Variants in LYPD6 observed in about 807,000 individuals in gnomAD.
LYPD6 encodes the protein LY6/PLAUR domain containing 6.
A neutral mutation model predicts 22.7 loss-of-function variants in LYPD6; 15 were observed. The ratio of observed to expected loss-of-function variants is 0.66; its 90% CI spans 0.44 to 1.02. The LOEUF (loss-of-function observed/expected upper bound fraction) is 1.02. Ranked by LOEUF, LYPD6 falls within the 50% of genes least tolerant of loss-of-function variation. LYPD6 has a pLI of 0.00. For synonymous variants in LYPD6, 72 were observed against 77.5 expected (o/e 0.93, Z 0.37); for missense variants, 189 against 208.4 (o/e 0.91, Z 0.57).
chr2:149,338,124 A>T (rs1158069898), intron 1 of LYPD6, among the ~76,000 whole-genome samples: 1 of 152,148 alleles, frequency 6.6e-6, no homozygotes, highest in Non-Finnish European at 1.5e-5. Context: ...ATACACATTC[A>T]TGTGTTTTTA....
At chr2:149,458,519 A>G (rs1311224645) in intron 3 of LYPD6, among the ~76,000 whole-genome samples, 3 of 152,194 alleles carry the variant, frequency 2.0e-5, no homozygotes, top group Non-Finnish European at 4.4e-5. Flanking sequence ...ACATAATAAC[A>G]ATATGTCCAG....
intron 1 of LYPD6, among the ~76,000 whole-genome samples, chr2:149,366,829 A>T (rs1372002199): frequency 1.3e-5 from 2 of 152,196 alleles, no homozygotes; most frequent in East Asian, 3.8e-4. Flanking sequence ...TGGAGCCTGC[A>T]GATTTTCTCC....
chr2:149,371,133 A>G (rs113926840), intron 1 of LYPD6, among the ~76,000 whole-genome samples: 2 of 152,304 alleles, frequency 1.3e-5, no homozygotes, highest in East Asian at 1.9e-4. Flanking sequence ...GGGCGAGACC[A>G]TGGCTCACTG....
At chr2:149,339,620 G>T (rs1053056839) in intron 1 of LYPD6, among the ~76,000 whole-genome samples, 1 of 152,246 alleles carries the variant, frequency 6.6e-6, no homozygotes, top group Non-Finnish European at 1.5e-5. Context: ...CAAGTAGAGT[G>T]AATTTGCATT....
At chr2:149,340,031 CCTA>C (rs1301497759) in intron 1 of LYPD6, among the ~76,000 whole-genome samples, 2 of 152,102 alleles carry the variant, frequency 1.3e-5, no homozygotes, top group Non-Finnish European at 2.9e-5. Context: ...CCAGGATTGT[CCTA>C]CTATTTCTGC....
At chr2:149,383,523 C>T (rs1220957431) in intron 1 of LYPD6, among the ~76,000 whole-genome samples, 1 of 152,088 alleles carries the variant, frequency 6.6e-6, no homozygotes, top group East Asian at 1.9e-4. Flanking sequence ...AGATGAAACT[C>T]AGTTCAGTTT....
chr2:149,411,304 AT>A (rs879532951), intron 1 of LYPD6, among the ~76,000 whole-genome samples: 286 of 146,502 alleles, frequency 2.0e-3, no homozygotes, highest in East Asian at 0.019. Context: ...ATGTGTGTGT[AT>A]TTTTTTTTTT....
downstream of LYPD6, among the ~76,000 whole-genome samples, chr2:149,476,874 C>T (rs1390802430): frequency 1.3e-5 from 2 of 152,150 alleles, no homozygotes; most frequent in African/African-American, 4.8e-5. Context: ...TTTCCCCTGA[C>T]CCTAGCTTCT....
At chr2:149,406,195 A>G (rs1337040413) in intron 1 of LYPD6, among the ~76,000 whole-genome samples, 3 of 150,206 alleles carry the variant, frequency 2.0e-5, no homozygotes, top group Non-Finnish European at 4.5e-5. Flanking sequence ...TGGTGCTGAA[A>G]AAAATGTATA....
intron 1 of LYPD6, among the ~76,000 whole-genome samples, chr2:149,427,714 A>G (rs1683215323): frequency 6.6e-6 from 1 of 152,268 alleles, no homozygotes; most frequent in Non-Finnish European, 1.5e-5. Flanking sequence ...GCTATACTCA[A>G]TAGCCTAGGT....
the LYPD6 span, among the ~76,000 whole-genome samples, chr2:149,479,515 T>C: frequency 6.6e-6 from 1 of 152,288 alleles, no homozygotes; most frequent in East Asian, 1.9e-4. Context: ...AAATGTATCA[T>C]CCACTCCCAG....
intron 1 of LYPD6, among the ~76,000 whole-genome samples, chr2:149,377,810 A>G (rs1305523138): frequency 9.0e-6 from 1 of 111,354 alleles, no homozygotes; most frequent in Non-Finnish European, 1.8e-5. Flanking sequence ...CAAAAAAGCA[A>G]GGGAAACTGT....
chr2:149,388,662 G>A (rs1682242533), intron 1 of LYPD6, among the ~76,000 whole-genome samples: 1 of 152,144 alleles, frequency 6.6e-6, no homozygotes, highest in South Asian at 2.1e-4. Context: ...GGGAGGGAGA[G>A]TCGTAATTCT....
intron 1 of LYPD6, among the ~76,000 whole-genome samples, chr2:149,396,294 A>G (rs1029212798): frequency 6.6e-5 from 10 of 151,530 alleles, no homozygotes; most frequent in East Asian, 1.9e-4. Flanking sequence ...GGTCTATTCA[A>G]TTTTCTACTT....
intron 3 of LYPD6, among the ~76,000 whole-genome samples, chr2:149,454,610 T>G (rs1045222652): frequency 3.9e-5 from 6 of 152,042 alleles, no homozygotes; most frequent in Non-Finnish European, 5.9e-5. Flanking sequence ...TTCTCAGAAG[T>G]GGGATTGCTA....
At chr2:149,376,184 G>T (rs1213602711) in intron 1 of LYPD6, among the ~76,000 whole-genome samples, 1 of 152,128 alleles carries the variant, frequency 6.6e-6, no homozygotes, top group Non-Finnish European at 1.5e-5. Flanking sequence ...GAGGCCTTGG[G>T]AAAACAGCCC....
intron 1 of LYPD6, among the ~76,000 whole-genome samples, chr2:149,378,986 A>T (rs972496459): frequency 6.6e-6 from 1 of 152,244 alleles, no homozygotes; most frequent in Non-Finnish European, 1.5e-5. Flanking sequence ...ATATTTGAGG[A>T]TGCCAAGAAT....
chr2:149,341,139 T>C (rs1056067472), intron 1 of LYPD6, among the ~76,000 whole-genome samples: 1 of 152,190 alleles, frequency 6.6e-6, no homozygotes, highest in Non-Finnish European at 1.5e-5. Context: ...AGAATTTTCT[T>C]TTGTTGAGTT....
Position 149,470,925 on chromosome 2 carries a change from C to A in LYPD6, c.*75C>A, listed in dbSNP as rs1197868189. On this transcript the variant is annotated 3_prime_UTR_variant, in exon 5 of 5. Coordinates refer to ENST00000334166, the MANE Select transcript of LYPD6 (RefSeq NM_194317.5). ...TCCACAGACCTGCATGAGTCATTGG[C>A]CTGACAGTAATTACACATGTGAGAC... 1 of 1,354,482 alleles carries A rather than the reference C, an allele frequency of 7.4e-7. No homozygotes were observed. The highest frequency in any genetic ancestry group is 1.0e-6 in the Non-Finnish European group (1 of 971,168). 83.9% of individuals were successfully genotyped at this position (1,354,482 alleles called of 1,614,324 possible). A position where few individuals can be genotyped will look rare whatever the true frequency, so the allele number is the denominator to read the frequency against.
Sources: gnomAD v4.1 joint callset for allele counts (sites outside exome capture counted in the v4.1 genomes callset) on GRCh38, gnomAD v4.1.1 for gene constraint, MANE v1.5 for transcripts, NCBI Gene and HGNC (gene_info 2026-07-23, HGNC 2026-07-21) for gene names.